The following CFAP47 variants were observed in gnomAD, a reference collection of about 807,000 sequenced individuals.
CFAP47 encodes cilia and flagella associated protein 47.
CFAP47 carries 29 observed loss-of-function variants against 148.1 expected under a neutral mutation model. That is an observed-to-expected ratio of 0.20 (90% CI 0.15 to 0.27). The LOEUF is 0.27. Among genes scored for constraint, CFAP47 ranks in the 10% least tolerant of loss-of-function variants. CFAP47 has a pLI of 1.00. For missense variants in CFAP47, 1,872 were observed against 1,697.5 expected (o/e 1.10, Z -1.81); for synonymous variants, 664 against 577.3 (o/e 1.15, Z -2.15).
intron 45 of CFAP47, among the ~76,000 whole-genome samples, chrX:36,206,147 A>G (rs1478782617): frequency 1.8e-5 from 2 of 111,756 alleles, no homozygotes; most frequent in Non-Finnish European, 3.8e-5. Context: ...TTCACATTCA[A>G]AAAGTAAAAA....
chrX:36,176,297 G>C (rs1939680362), intron 39 of CFAP47, among the ~76,000 whole-genome samples: 1 of 112,445 alleles, frequency 8.9e-6, no homozygotes, highest in African/African-American at 3.2e-5. Flanking sequence ...GACCGGAGCT[G>C]TTCCTATTCG....
chrX:36,309,110 A>G (rs1339905586), intron 55 of CFAP47, among the ~76,000 whole-genome samples: 2 of 111,356 alleles, frequency 1.8e-5, no homozygotes, highest in African/African-American at 6.5e-5. Flanking sequence ...GGTTTCGAAG[A>G]TTATGTTCTG....
At chrX:36,032,476 G>A (rs1395138606) in intron 23 of CFAP47, among the ~76,000 whole-genome samples, 1 of 111,046 alleles carries the variant, frequency 9.0e-6, no homozygotes, top group Non-Finnish European at 1.9e-5. Flanking sequence ...ATTTTACATA[G>A]TGGGTAATTA....
In CFAP47 at chrX:35,970,470, T is replaced by A. The variant is rs183151337; in HGVS notation, c.1815-298T>A. 9.0e-5 allele frequency among the ~76,000 whole-genome samples: 10 copies of A among 111,519 alleles called. No homozygotes were observed. The East Asian group carries it at 2.8e-3, about 32-fold the overall frequency. ...TGGAGTCTTGTCTGTAATCTAGCAG[T>A]GTCCAAATTGCCTAACTGACTAATT... On this transcript the variant is annotated intron_variant, in intron 10 of 63. Transcript: ENST00000378653.
At chrX:36,229,532 A>G (rs1555992022) in intron 46 of CFAP47, among the ~76,000 whole-genome samples, 1 of 111,542 alleles carries the variant, frequency 9.0e-6, no homozygotes, top group African/African-American at 3.3e-5. Flanking sequence ...TCTATTAGGC[A>G]ATGCTCTTAT....
chrX:36,112,208 G>A (rs750713551), intron 33 of CFAP47, among the ~76,000 whole-genome samples: 1 of 111,383 alleles, frequency 9.0e-6, no homozygotes, highest in South Asian at 3.7e-4. Context: ...TGGTTAAATC[G>A]ACATGTTTCT....
At position 36,341,512 on chromosome X, in the gene CFAP47, G is replaced by A. The variant is rs184048925; in HGVS notation, c.8444-6617G>A. Among the ~76,000 whole-genome samples the A allele has an allele frequency of 2.3e-3, 255 of 111,129 alleles. 1 individual carries two copies. Among genetic ancestry groups the A allele is most frequent in the African/African-American group, 8.0e-3 (246 of 30,600 alleles). On this transcript the variant is annotated intron_variant, in intron 57 of 63. Transcript: ENST00000378653. ...AAATAATTTTATTACTAAAATTAGG[G>A]TTATGTTCACTTTACTATCTTGAGA...
intron 46 of CFAP47, among the ~76,000 whole-genome samples, chrX:36,233,150 G>T (rs1483902327): frequency 1.8e-5 from 2 of 111,447 alleles, no homozygotes; most frequent in Non-Finnish European, 3.8e-5. Flanking sequence ...GCAGAGCTGA[G>T]TTCAAGTCCT....
intron 22 of CFAP47, among the ~76,000 whole-genome samples, chrX:36,028,780 T>TATC (rs746135932): frequency 7.2e-5 from 8 of 111,133 alleles, no homozygotes; most frequent in Non-Finnish European, 1.3e-4. Flanking sequence ...TGTCAGATTT[T>TATC]ATCAATGAGC....
intron 13 of CFAP47, among the ~76,000 whole-genome samples, chrX:35,974,142 G>T (rs1351377632): frequency 9.0e-6 from 1 of 111,687 alleles, no homozygotes; most frequent in African/African-American, 3.3e-5. Flanking sequence ...GAGAATAATA[G>T]AATGTTTTCA....
At chrX:35,931,174 C>T (rs1232767803) in intron 2 of CFAP47, among the ~76,000 whole-genome samples, 1 of 110,323 alleles carries the variant, frequency 9.1e-6, no homozygotes, top group African/African-American at 3.3e-5. Context: ...TCTTTGACTC[C>T]TGGATTATTT....
At chrX:36,305,041 A>G (rs919007396) in intron 54 of CFAP47, among the ~76,000 whole-genome samples, 7 of 110,967 alleles carry the variant, frequency 6.3e-5, no homozygotes, top group Non-Finnish European at 1.3e-4. Context: ...TTTGTTGTTT[A>G]ACGATTGTTT....
chrX:36,298,866 T>C lies in CFAP47; in HGVS notation c.7687-111T>C. On this transcript the variant is annotated intron_variant, in intron 51 of 63. Coordinates refer to ENST00000378653, the MANE Select transcript of CFAP47 (RefSeq NM_001304548.2). ...TCAATAGTGTATCAAGGTAAAAAAA[T>C]AAAACAAATGGCCTTATATTATGTA... 4 of 441,114 alleles carry C rather than the reference T, an allele frequency of 9.1e-6. No individual in the cohort carries two copies. The South Asian group carries it at 2.0e-4, about 22-fold the overall frequency. 36.4% of individuals were successfully genotyped at this position (441,114 alleles called of 1,213,427 possible).
chrX:36,087,575 G>A (rs1601970108), intron 30 of CFAP47, among the ~76,000 whole-genome samples: 2 of 112,175 alleles, frequency 1.8e-5, no homozygotes, highest in East Asian at 5.6e-4. Flanking sequence ...AAATCTGTGA[G>A]CATCTTAAGG....
chrX:35,921,492 T>C (rs1490775370), intron 1 of CFAP47, among the ~76,000 whole-genome samples: 1 of 112,026 alleles, frequency 8.9e-6, no homozygotes, highest in African/African-American at 3.2e-5. Flanking sequence ...GTGGTAATAA[T>C]GTTTGGATGT....
At chrX:36,294,538 G>A (rs1416293372) in intron 51 of CFAP47, among the ~76,000 whole-genome samples, 1 of 109,722 alleles carries the variant, frequency 9.1e-6, no homozygotes, top group Admixed American at 9.8e-5. Flanking sequence ...GTGAAACCCC[G>A]TCTCTACTAA....
At chrX:36,126,625 C>G (rs1321317592) in intron 33 of CFAP47, among the ~76,000 whole-genome samples, 1 of 111,913 alleles carries the variant, frequency 8.9e-6, no homozygotes, top group Non-Finnish European at 1.9e-5. Flanking sequence ...AATGGGAATG[C>G]TGGGTCAAAT....
intron 44 of CFAP47, among the ~76,000 whole-genome samples, chrX:36,202,302 G>A (rs1274239630): frequency 9.0e-6 from 1 of 111,449 alleles, no homozygotes; most frequent in Non-Finnish European, 1.9e-5. Context: ...TTGCTCCTGT[G>A]TGCATATTCT....
intron 57 of CFAP47, among the ~76,000 whole-genome samples, chrX:36,326,453 G>C (rs1412277213): frequency 8.9e-6 from 1 of 111,929 alleles, no homozygotes; most frequent in African/African-American, 3.2e-5. Flanking sequence ...ACAAGAAGAT[G>C]TGGGAAAGTT....
Sources: gnomAD v4.1 joint callset for allele counts (sites outside exome capture counted in the v4.1 genomes callset) on GRCh38, gnomAD v4.1.1 for gene constraint, MANE v1.5 for transcripts, NCBI Gene and HGNC (gene_info 2026-07-23, HGNC 2026-07-21) for gene names.